Variants in TAP2 observed in about 807,000 individuals in gnomAD.
The protein encoded by TAP2 is transporter 2, ATP binding cassette subfamily B member, also known as antigen peptide transporter 2.
TAP2 carries 49 observed loss-of-function variants against 74.7 expected under a neutral mutation model. The ratio of observed to expected loss-of-function variants is 0.66; its 90% confidence interval spans 0.52 to 0.83. The LOEUF is 0.83. Ranked by LOEUF, TAP2 falls within the 40% of genes least tolerant of loss-of-function variation. TAP2 has a pLI of 0.00. For missense variants in TAP2, 739 were observed against 859.0 expected, an observed-to-expected ratio of 0.86 and a Z score of 1.75; for synonymous variants, 306 against 368.4, an observed-to-expected ratio of 0.83 and a Z score of 1.94.
rs1480840612 is a variant in TAP2, at chr6:32,832,965, A to G, written c.946-141T>C. 1 of 971,656 alleles carries G rather than the reference A, an allele frequency of 1.0e-6. No individual in the cohort carries two copies. Among genetic ancestry groups the G allele is most frequent in the Non-Finnish European group, 1.6e-6 (1 of 636,328 alleles). The allele number at this position is 971,656 out of a possible 1,614,324, so 60.2% of individuals were successfully genotyped here. A position where few individuals can be genotyped will look rare whatever the true frequency, so the allele number is the denominator to read the frequency against. Reference sequence around the variant, plus strand: ...CTCCCTCTTCCTTACTCTTCTTTCCAGAAGGAATAAGAGTGAAGGAGCAAG... The same window carrying G: ...CTCCCTCTTCCTTACTCTTCTTTCCGGAAGGAATAAGAGTGAAGGAGCAAG... On this transcript the variant is annotated intron_variant, in intron 5 of 11. Coordinates refer to ENST00000374897, the MANE Select transcript of TAP2 (RefSeq NM_001290043.2). This position sits in a 1 kb window ranked among gnomAD's most constrained non-coding sequence, Gnocchi z 5.9.
At position 32,832,568 on chromosome 6, in the gene TAP2, C is replaced by T; in HGVS notation, c.1143+59G>A. On this transcript the variant is annotated intron_variant, in intron 6 of 11. Transcript: ENST00000374897. This position sits in a 1 kb window ranked among gnomAD's most constrained non-coding sequence, Gnocchi z 5.9. Reference sequence around the variant, plus strand: ...AGGCCTCTAGAACCAGCTGTAGTTTCCTCTTCCCTTGCCCTCCCCCTTTCC... The same window carrying T: ...AGGCCTCTAGAACCAGCTGTAGTTTTCTCTTCCCTTGCCCTCCCCCTTTCC... 1 of 1,612,698 alleles carries T rather than the reference C, an allele frequency of 6.2e-7. No homozygotes were observed. The highest frequency in any genetic ancestry group is 8.5e-7 in the Non-Finnish European group (1 of 1,179,792).
Position 32,828,162 on chromosome 6 carries a change from G to A in TAP2, c.*744C>T, listed in dbSNP as rs1562321667. 3 of 832,416 alleles carry A rather than the reference G, an allele frequency of 3.6e-6. No homozygotes were observed. Among genetic ancestry groups the A allele is most frequent in the Non-Finnish European group, 4.3e-6 (3 of 691,018 alleles). The allele number at this position is 832,416 out of a possible 1,614,324, so 51.6% of individuals were successfully genotyped here. On this transcript the variant is annotated 3_prime_UTR_variant, in exon 12 of 12. Coordinates refer to ENST00000374897, the MANE Select transcript of TAP2 (RefSeq NM_001290043.2). Reference sequence around the variant, plus strand: ...TCAGTTTCCTCATCTGTAAAATGGGGATAATAACCAACCTCATAGGGTTGG... The same window carrying A: ...TCAGTTTCCTCATCTGTAAAATGGGAATAATAACCAACCTCATAGGGTTGG...
chr6:32,828,100 C>A lies in TAP2; in HGVS notation c.*806G>T, dbSNP rs759854552. The A allele has an allele frequency of 5.7e-5, 48 of 834,888 alleles. No individual in the cohort carries two copies. The highest frequency in any genetic ancestry group is 6.8e-5 in the Non-Finnish European group (47 of 693,614). 51.7% of individuals were successfully genotyped at this position (834,888 alleles called of 1,614,324 possible). A position where few individuals can be genotyped will look rare whatever the true frequency, so the allele number is the denominator to read the frequency against. On this transcript the variant is annotated 3_prime_UTR_variant, in exon 12 of 12. Coordinates refer to ENST00000374897, the MANE Select transcript of TAP2 (RefSeq NM_001290043.2). ...TGTTCAAACTCCAACTCCACCACTA[C>A]GACCACCTTGGGAAAGTCATTGAGC...
At position 32,835,466 on chromosome 6, in the gene TAP2, T is replaced by C. The variant is rs1769356037; in HGVS notation, c.740-107A>G. 1 of 1,449,252 alleles carries C rather than the reference T, an allele frequency of 6.9e-7. No individual in the cohort carries two copies. The highest frequency in any genetic ancestry group is 9.6e-7 in the Non-Finnish European group (1 of 1,045,278). The allele number at this position is 1,449,252 out of a possible 1,614,324, so 89.8% of individuals were successfully genotyped here. On this transcript the variant is annotated intron_variant, in intron 4 of 11. Coordinates refer to ENST00000374897, the MANE Select transcript of TAP2 (RefSeq NM_001290043.2). This position sits in a 1 kb window ranked among gnomAD's most constrained non-coding sequence, Gnocchi z 4.0. ...CTGACACAGCCCCCTCCTCTGAACA[T>C]CCTCCTTCACTTGCAGAGGGACAGT...
chr6:32,830,529 T>C, intron 8 of TAP2, 89 bp from the exon 9 acceptor site: 1 of 1,598,184 alleles, frequency 6.3e-7, no homozygotes, highest in East Asian at 2.3e-5. Context: ...GACCAGGTTC[T>C]CAGAGGCAAA....
Position 32,832,240 on chromosome 6 carries a change from T to C in TAP2, c.1272+93A>G, listed in dbSNP as rs1769125503. ...ACTTGCGGGTTTTGGTTTTGTATTGTATTGTTAAAAAGAACAAATAAAGCC... is the reference window on the plus strand; with the variant it reads ...ACTTGCGGGTTTTGGTTTTGTATTGCATTGTTAAAAAGAACAAATAAAGCC... On this transcript the variant is annotated intron_variant, in intron 7 of 11. Transcript: ENST00000374897. The surrounding 1 kb of genome is among the most constrained non-coding windows in gnomAD (Gnocchi z 5.9). 6.3e-7 allele frequency: 1 copy of C among 1,577,306 alleles called. No homozygotes were observed. The highest frequency in any genetic ancestry group is 8.6e-7 in the Non-Finnish European group (1 of 1,156,270).
chr6:32,838,277 TC>T, intron 1 of TAP2, 40 bp from the exon 2 acceptor site: 1 of 1,508,244 alleles, frequency 6.6e-7, no homozygotes, highest in African/African-American at 1.5e-5. Flanking sequence ...GGGGGTGGAG[TC>T]CCAATCCTTG....
At position 32,832,525 on chromosome 6, in the gene TAP2, T is replaced by C; in HGVS notation, c.1144-64A>G. 6.2e-7 allele frequency: 1 copy of C among 1,611,158 alleles called. No homozygotes were observed. ...CCCATTCTTTCCCCCTCTCTGCCTC[T>C]ATGAGACTGAGCTGCAAAGGCCTCT... On this transcript the variant is annotated intron_variant, in intron 6 of 11. Transcript: ENST00000374897. This position sits in a 1 kb window ranked among gnomAD's most constrained non-coding sequence, Gnocchi z 5.9.
In TAP2 at chr6:32,827,850, C is replaced by T. The variant is rs1448612930; in HGVS notation, c.*1056G>A. 15 of 865,776 alleles carry T rather than the reference C, an allele frequency of 1.7e-5. 3 individuals carry two copies. Among genetic ancestry groups the T allele is most frequent in the African/African-American group, 2.2e-5 (1 of 45,438 alleles). The allele number at this position is 865,776 out of a possible 1,614,324, so 53.6% of individuals were successfully genotyped here. A position where few individuals can be genotyped will look rare whatever the true frequency, so the allele number is the denominator to read the frequency against. On this transcript the variant is annotated 3_prime_UTR_variant, in exon 12 of 12. Coordinates refer to ENST00000374897, the MANE Select transcript of TAP2 (RefSeq NM_001290043.2). ...GAAAAATGACTTTGTGAAGAATGGCCGGAAGAGGGAAGCTAATGGTAGAGA... is the reference window on the plus strand; with the variant it reads ...GAAAAATGACTTTGTGAAGAATGGCTGGAAGAGGGAAGCTAATGGTAGAGA...
chr6:32,824,296 C>T (rs368136114), downstream of TAP2, among the ~76,000 whole-genome samples: 25 of 152,078 alleles, frequency 1.6e-4, no homozygotes, highest in East Asian at 2.9e-3. Context: ...TTTACTAATG[C>T]CTTTGGTTTT....
At chr6:32,822,017 T>C (rs1320118711), downstream of TAP2, 2 of 422,964 alleles carry the variant, frequency 4.7e-6, no homozygotes, top group East Asian at 8.1e-5. Flanking sequence ...GAATTTGGGG[T>C]GTCCAAAGCA....
In TAP2 at chr6:32,828,679, C is replaced by CACCCCACACA; in HGVS notation, c.*226_*227insTGTGTGGGGT. 1 of 948,140 alleles carries CACCCCACACA rather than the reference C, an allele frequency of 1.1e-6. No homozygotes were observed. Among genetic ancestry groups the CACCCCACACA allele is most frequent in the Non-Finnish European group, 1.3e-6 (1 of 788,692 alleles). 58.7% of individuals were successfully genotyped at this position (948,140 alleles called of 1,614,324 possible). A position where few individuals can be genotyped will look rare whatever the true frequency, so the allele number is the denominator to read the frequency against. ...TAAGTTTCCTGGACACAGACAGCCCCCACCCCACCCCACCCCACCTCTCTA... is the reference window on the plus strand; with the variant it reads ...TAAGTTTCCTGGACACAGACAGCCCCACCCCACACACACCCCACCCCACCCCACCTCTCTA... On this transcript the variant is annotated 3_prime_UTR_variant, in exon 12 of 12. Transcript: ENST00000374897.
chr6:32,822,651 C>T (rs1031538663), downstream of TAP2, among the ~76,000 whole-genome samples: 15 of 151,142 alleles, frequency 9.9e-5, no homozygotes, highest in African/African-American at 3.2e-4. Flanking sequence ...ATCCTCCCAC[C>T]TCAGCCAAGT....
chr6:32,832,858 T>A lies in TAP2; in HGVS notation c.946-34A>T. On this transcript the variant is annotated intron_variant, in intron 5 of 11. Transcript: ENST00000374897. The surrounding 1 kb of genome is among the most constrained non-coding windows in gnomAD (Gnocchi z 5.9). ...GAGGGCCAGCAAACACCAGGGCTGA[T>A]GTGCAAAGACAGCAGGCCCCCACAT... is the stretch of plus-strand genomic sequence containing the variant. 6.2e-7 allele frequency: 1 copy of A among 1,608,442 alleles called. No individual in the cohort carries two copies. Among genetic ancestry groups the A allele is most frequent in the Non-Finnish European group, 8.5e-7 (1 of 1,179,364 alleles).
Position 32,835,317 on chromosome 6 carries a change from C to T in TAP2, c.782G>A (p.Ser261Asn). ...SRLSSDTTLMSNWLPLNANVL... is the reference protein window; with the variant it reads ...SRLSSDTTLMNNWLPLNANVL... ...ATTGGCATTTAAAGGAAGCCAGTTA[C>T]TCATCAGGGTGGTATCCGAGCTCAG... The change falls in exon 5 of 12, where the codon AGT becomes AAT. Residue 261 changes from serine (S) to asparagine (N), a missense_variant. Transcript: ENST00000374897. The surrounding 1 kb of genome is among the most constrained non-coding windows in gnomAD (Gnocchi z 4.0). The T allele has an allele frequency of 3.7e-6, 6 of 1,613,118 alleles. No individual in the cohort carries two copies. The highest frequency in any genetic ancestry group is 5.1e-6 in the Non-Finnish European group (6 of 1,180,046).
Position 32,838,142 on chromosome 6 carries a change from A to T in TAP2, c.92T>A (p.Leu31His). Residue 31 changes from leucine to histidine, a missense_variant, in exon 2 of 12, where the codon CTT becomes CAT. By Grantham distance (99) the Leu-to-His change is moderately conservative (BLOSUM62 -3). Transcript: ENST00000374897. ...CCATAGTCCTGGCAGCCCTTGAGGA[A>T]GCAAAGTCCCCAGAGGGCCCTGAAG... ...WLLQGPLGTL[L>H]PQGLPGLWLE... 1 of 1,607,304 alleles carries T rather than the reference A, an allele frequency of 6.2e-7. No homozygotes were observed. Among genetic ancestry groups the T allele is most frequent in the East Asian group, 2.2e-5 (1 of 44,740 alleles).
Position 32,832,242 on chromosome 6 carries a change from T to C in TAP2, c.1272+91A>G. On this transcript the variant is annotated intron_variant, in intron 7 of 11. Coordinates refer to ENST00000374897, the MANE Select transcript of TAP2 (RefSeq NM_001290043.2). This position sits in a 1 kb window ranked among gnomAD's most constrained non-coding sequence, Gnocchi z 5.9. ...TTGCGGGTTTTGGTTTTGTATTGTA[T>C]TGTTAAAAAGAACAAATAAAGCCCA... 1 of 1,581,434 alleles carries C rather than the reference T, an allele frequency of 6.3e-7. No individual in the cohort carries two copies. Among genetic ancestry groups the C allele is most frequent in the Non-Finnish European group, 8.6e-7 (1 of 1,159,272 alleles).
In TAP2 at chr6:32,827,610, G is replaced by T; in HGVS notation, c.*1296C>A. 2 of 560,622 alleles carry T rather than the reference G, an allele frequency of 3.6e-6. No individual in the cohort carries two copies. The highest frequency in any genetic ancestry group is 4.5e-6 in the Non-Finnish European group (2 of 443,174). 34.7% of individuals were successfully genotyped at this position (560,622 alleles called of 1,614,324 possible). A position where few individuals can be genotyped will look rare whatever the true frequency, so the allele number is the denominator to read the frequency against. ...TAAGTCTTGAACTTGAAAATCAGGG[G>T]CGAGTCGAGCAGAAAATGGGCAAGA... On this transcript the variant is annotated 3_prime_UTR_variant, in exon 12 of 12. Coordinates refer to ENST00000374897, the MANE Select transcript of TAP2 (RefSeq NM_001290043.2).
In TAP2 at chr6:32,830,262, C is replaced by T; in HGVS notation, c.1635+5G>A. The stretch of plus-strand genomic sequence containing the variant: ...CTGTCCCCTGTCTTCTCCCTCCTCA[C>T]CCACCTGGCTGTGCAGGTAGCAGTG... On this transcript the variant is annotated splice_donor_5th_base_variant and intron_variant, in intron 9 of 11. Transcript: ENST00000374897. The T allele has an allele frequency of 6.2e-7, 1 of 1,613,134 alleles. No individual in the cohort carries two copies. Among genetic ancestry groups the T allele is most frequent in the Non-Finnish European group, 8.5e-7 (1 of 1,180,028 alleles).
Sources: allele counts gnomAD v4.1 joint callset (sites outside exome capture counted in the v4.1 genomes callset), GRCh38; gene constraint gnomAD v4.1.1; non-coding constraint Gnocchi (gnomAD v3.1); transcripts MANE v1.5; gene names NCBI Gene and HGNC (gene_info 2026-07-23, HGNC 2026-07-21).